The following NKIRAS1 variants were observed in gnomAD, a reference collection of about 807,000 sequenced individuals.
NKIRAS1 encodes the protein NFKB inhibitor interacting Ras like 1, also known as NF-kappa-B inhibitor-interacting Ras-like protein 1.
In NKIRAS1, 16 loss-of-function variants were observed where a neutral mutation model predicts 19.8. The observed-to-expected ratio is 0.81, with a 90% CI of 0.55 to 1.23. The LOEUF is 1.23. NKIRAS1 is among the 50% of genes most tolerant of loss of function. The pLI is 0.00. For missense variants in NKIRAS1, 184 were observed against 220.0 expected, an observed-to-expected ratio of 0.84 and a Z score of 1.04; for synonymous variants, 88 against 79.0, an observed-to-expected ratio of 1.11 and a Z score of -0.61.
intron 1 of NKIRAS1, among the ~76,000 whole-genome samples, chr3:23,933,002 T>C (rs6789474): frequency 0.64 from 97,554 of 151,912 alleles, 31,531 homozygotes; most frequent in Middle Eastern, 0.75. Context: ...TCAGCTGACT[T>C]TGAGATGGGG....
intron 3 of NKIRAS1, among the ~76,000 whole-genome samples, chr3:23,901,987 T>C (rs547655753): frequency 3.3e-5 from 5 of 152,208 alleles, no homozygotes; most frequent in South Asian, 4.1e-4. Flanking sequence ...GCAGGGAGAA[T>C]TGCTTGAACC....
At chr3:23,900,707 G>A (rs1219712802) in intron 4 of NKIRAS1, 101 bp downstream of exon 4, 2 of 808,770 alleles carry the variant, frequency 2.5e-6, no homozygotes, top group Non-Finnish European at 3.9e-6. Context: ...CAGATACTAA[G>A]AATATACTGT....
Position 23,936,256 on chromosome 3 carries a change from A to C in NKIRAS1, c.-140+10067T>G, listed in dbSNP as rs114184740. Among the ~76,000 whole-genome samples the C allele has an allele frequency of 1.0e-3, 156 of 152,304 alleles. 1 individual carries two copies. Among genetic ancestry groups the C allele is most frequent in the Non-Finnish European group, 1.9e-3 (130 of 68,024 alleles). On this transcript the variant is annotated intron_variant, in intron 1 of 4. Coordinates refer to the NKIRAS1 transcript ENST00000421515. ...CCCAAGCAATGTGCTCTTTGCATTTAAAATTCTATCCTGTCATATTACAGG... is the reference window on the plus strand; with the variant it reads ...CCCAAGCAATGTGCTCTTTGCATTTCAAATTCTATCCTGTCATATTACAGG...
At chr3:23,946,406 C>G (rs1044305226) in exon 1 of NKIRAS1, 2 of 574,896 alleles carry the variant, frequency 3.5e-6, no homozygotes, top group African/African-American at 4.0e-5. Flanking sequence ...GGGGCTTTCC[C>G]GAAGGGATAC....
At chr3:23,896,776 C>G (rs1702038690) in intron 4 of NKIRAS1, among the ~76,000 whole-genome samples, 1 of 150,584 alleles carries the variant, frequency 6.6e-6, no homozygotes, top group South Asian at 2.1e-4. Context: ...GAGTTCAAGA[C>G]TAGCCTGAAC....
At chr3:23,909,328 C>G (rs1225304958) in intron 3 of NKIRAS1, among the ~76,000 whole-genome samples, 1 of 152,114 alleles carries the variant, frequency 6.6e-6, no homozygotes, top group Non-Finnish European at 1.5e-5. Context: ...TCGAGACCAG[C>G]CTGGCCAACG....
chr3:23,920,764 AAAAG>A (rs1314617968), upstream of NKIRAS1: 7 of 971,062 alleles, frequency 7.2e-6, no homozygotes, highest in South Asian at 4.8e-5. Context: ...TCTTCACAAA[AAAAG>A]AAAAGATCTT....
chr3:23,941,649 T>C (rs1705499805), intron 1 of NKIRAS1, among the ~76,000 whole-genome samples: 1 of 152,138 alleles, frequency 6.6e-6, no homozygotes, highest in Admixed American at 6.6e-5. Context: ...CGCTGGGTAC[T>C]GCCCAACCAG....
intron 1 of NKIRAS1, among the ~76,000 whole-genome samples, chr3:23,925,879 T>C (rs1029206664): frequency 1.3e-5 from 2 of 152,198 alleles, no homozygotes; most frequent in Non-Finnish European, 2.9e-5. Context: ...CCACTAGCCA[T>C]CTGTGACTTT....
In NKIRAS1 at chr3:23,927,770, A is replaced by C. The variant is rs1705234791; in HGVS notation, c.-139-16320T>G. Among the ~76,000 whole-genome samples the C allele has an allele frequency of 6.6e-6, 1 of 152,192 alleles. No homozygotes were observed. The highest frequency in any genetic ancestry group is 2.1e-4 in the South Asian group (1 of 4,828). Reference sequence around the variant, plus strand: ...AGCTAGGATGTTTTGCTTATCAAAAAGAAAGATTCAAAAAATGATCATCCA... The same window carrying C: ...AGCTAGGATGTTTTGCTTATCAAAACGAAAGATTCAAAAAATGATCATCCA... On this transcript the variant is annotated intron_variant, in intron 1 of 4. Transcript: ENST00000421515. The surrounding 1 kb of genome is among the most constrained non-coding windows in gnomAD (Gnocchi z 4.0).
In NKIRAS1 at chr3:23,926,587, GTA is replaced by G. The variant is rs1427841524; in HGVS notation, c.-139-15139_-139-15138del. Among the ~76,000 whole-genome samples the G allele has an allele frequency of 6.6e-6, 1 of 151,908 alleles. No individual in the cohort carries two copies. The highest frequency in any genetic ancestry group is 2.4e-5 in the African/African-American group (1 of 41,354). ...CTAGTTTTACCGTAAAAAGTTTGAT[GTA>G]TAGATTTCATATGAGAATAGTATTT... On this transcript the variant is annotated intron_variant, in intron 1 of 4. Coordinates refer to the NKIRAS1 transcript ENST00000421515. The surrounding 1 kb of genome is among the most constrained non-coding windows in gnomAD (Gnocchi z 4.3).
chr3:23,918,191 T>C, upstream of NKIRAS1: 1 of 1,018,312 alleles, frequency 9.8e-7, no homozygotes, highest in South Asian at 1.7e-5. Flanking sequence ...CACTGTTGTC[T>C]AAAGTGGCAA....
At chr3:23,911,844 C>G (rs964453315) in intron 1 of NKIRAS1, among the ~76,000 whole-genome samples, 1 of 146,858 alleles carries the variant, frequency 6.8e-6, no homozygotes, top group Non-Finnish European at 1.5e-5. Flanking sequence ...TTCACTGCAA[C>G]CTCCGCTTCC....
chr3:23,901,179 CTTTTTT>C (rs369838815), intron 3 of NKIRAS1, 130 bp from the exon 4 acceptor site: 8 of 728,930 alleles, frequency 1.1e-5, no homozygotes, highest in East Asian at 6.0e-5. Flanking sequence ...TTCTATTTTA[CTTTTTT>C]TTTTTTTTTT....
chr3:23,945,058 C>G (rs1366219603), intron 1 of NKIRAS1, among the ~76,000 whole-genome samples: 2 of 150,966 alleles, frequency 1.3e-5, no homozygotes, highest in African/African-American at 4.9e-5. Flanking sequence ...CGGAGGGAAA[C>G]GGAGAAGAGG....
intron 4 of NKIRAS1, among the ~76,000 whole-genome samples, chr3:23,899,619 G>A (rs1702304386): frequency 6.6e-6 from 1 of 152,072 alleles, no homozygotes; most frequent in South Asian, 2.1e-4. Flanking sequence ...AAGCTTAATA[G>A]GAAAACAAAA....
upstream of NKIRAS1, chr3:23,917,697 TG>T: frequency 1.4e-6 from 1 of 707,974 alleles, no homozygotes; most frequent in Non-Finnish European, 2.3e-6. Flanking sequence ...GGCGCAGTGG[TG>T]GGGGTTGGGC....
Position 23,931,925 on chromosome 3 carries a change from CT to C in NKIRAS1, c.-140+14397del, listed in dbSNP as rs200631431. On this transcript the variant is annotated intron_variant, in intron 1 of 4. Transcript: ENST00000421515. ...ACAGGGTGTTTTATCAAGTCTTTGT[CT>C]GGAGCAATGATGCTTATTATTAGTC... 3.6e-3 allele frequency among the ~76,000 whole-genome samples: 544 copies of C among 152,156 alleles called. 15 individuals are homozygous for C. The East Asian group carries it at 0.05, about 14-fold the overall frequency.
At chr3:23,919,872 T>C, upstream of NKIRAS1, 1 of 1,001,504 alleles carries the variant, frequency 1.0e-6, no homozygotes, top group Non-Finnish European at 1.2e-6. Context: ...GCTCTGCTGG[T>C]TTATTTTCAA....
Sources: allele counts gnomAD v4.1 joint callset (sites outside exome capture counted in the v4.1 genomes callset), GRCh38; gene constraint gnomAD v4.1.1; non-coding constraint Gnocchi (gnomAD v3.1); transcripts MANE v1.5; gene names NCBI Gene and HGNC (gene_info 2026-07-23, HGNC 2026-07-21).